The following JMJD1C variants were observed in gnomAD, a reference collection of about 807,000 sequenced individuals.
The protein encoded by JMJD1C is jumonji domain containing 1C, also known as jumonji domain-containing protein 1C.
Under a neutral mutation model 245.3 loss-of-function variants are expected in JMJD1C, and 31 were observed. The observed-to-expected ratio is 0.13, with a 90% CI of 0.09 to 0.17. The LOEUF (loss-of-function observed/expected upper bound fraction) is 0.17. JMJD1C is among the 10% of genes least tolerant of loss of function. The pLI, the probability that JMJD1C is intolerant of heterozygous loss-of-function variation, is 1.00. For synonymous variants in JMJD1C, 1,057 were observed against 1,017.4 expected, an observed-to-expected ratio of 1.04 and a Z score of -0.74; for missense variants, 2,691 against 3,000.2, an observed-to-expected ratio of 0.90 and a Z score of 2.41.
At chr10:63,461,542 C>T (rs1266351197) in intron 1 of JMJD1C, among the ~76,000 whole-genome samples, 1 of 152,134 alleles carries the variant, frequency 6.6e-6, no homozygotes, top group East Asian at 1.9e-4. Context: ...ATTTCCTAAA[C>T]ATGAATATTA....
intron 1 of JMJD1C, among the ~76,000 whole-genome samples, chr10:63,455,942 T>C (rs1168821596): frequency 6.6e-6 from 1 of 152,170 alleles, no homozygotes; most frequent in Non-Finnish European, 1.5e-5. Flanking sequence ...GCAAATTTAA[T>C]GCAATATTAT....
At chr10:63,222,759 C>T in intron 3 of JMJD1C, 1 of 1,503,904 alleles carries the variant, frequency 6.6e-7, no homozygotes, top group Non-Finnish European at 9.2e-7. Flanking sequence ...TCACTGAAAA[C>T]TGAAACTAAT....
intron 1 of JMJD1C, among the ~76,000 whole-genome samples, chr10:63,405,532 A>C (rs1949117366): frequency 6.6e-6 from 1 of 152,078 alleles, no homozygotes. Context: ...CACGTTGGCC[A>C]GGCTGGTCTC....
intron 1 of JMJD1C, among the ~76,000 whole-genome samples, chr10:63,503,695 T>G (rs564475831): frequency 6.6e-6 from 1 of 152,356 alleles, no homozygotes; most frequent in Admixed American, 6.5e-5. Flanking sequence ...TGACTCAACA[T>G]TATTCTTTGC....
At chr10:63,438,448 A>G (rs984384719) in intron 1 of JMJD1C, among the ~76,000 whole-genome samples, 2 of 152,182 alleles carry the variant, frequency 1.3e-5, no homozygotes, top group African/African-American at 4.8e-5. Flanking sequence ...CTCTCCCTGC[A>G]TCTGCCTCAC....
chr10:63,374,536 A>T (rs960344333), intron 2 of JMJD1C, among the ~76,000 whole-genome samples: 4 of 152,224 alleles, frequency 2.6e-5, no homozygotes, highest in African/African-American at 7.2e-5. Context: ...GAAGAGTGTC[A>T]GGAGATAGAT....
At chr10:63,394,135 C>A (rs1231648797) in intron 1 of JMJD1C, among the ~76,000 whole-genome samples, 1 of 146,384 alleles carries the variant, frequency 6.8e-6, no homozygotes, top group African/African-American at 2.5e-5. Flanking sequence ...TATAGTGAGC[C>A]GAGACTGCAC....
At chr10:63,270,636 C>CT (rs1268611929) in intron 2 of JMJD1C, among the ~76,000 whole-genome samples, 1 of 151,980 alleles carries the variant, frequency 6.6e-6, no homozygotes, top group Non-Finnish European at 1.5e-5. Context: ...CTAGCTAACT[C>CT]TTTGTATTTT....
At position 63,214,701 on chromosome 10, in the gene JMJD1C, T is replaced by C. The variant is rs1187613998; in HGVS notation, c.1466A>G (p.His489Arg). ...CTCCTTTGGTAGCAATTCCATGGTA[T>C]GTGTTTTATCCATATTGCATTCCTG... The part of the protein sequence containing the change: ...LPQECNMDKT[H>R]TMELLPKEKF... The change falls in exon 8 of 26, where the codon CAT becomes CGT. Residue 489 changes from histidine to arginine, a missense_variant. Physicochemically the swap from His to Arg is conservative, Grantham distance 29. Coordinates refer to ENST00000399262, the MANE Select transcript of JMJD1C (RefSeq NM_032776.3). 7 of 1,613,806 alleles carry C rather than the reference T, an allele frequency of 4.3e-6. No individual in the cohort carries two copies. Among genetic ancestry groups the C allele is most frequent in the East Asian group, 2.2e-5 (1 of 44,886 alleles).
chr10:63,309,494 CAAAAAAAAAAAA>C (rs71025153), intron 2 of JMJD1C, among the ~76,000 whole-genome samples: 105 of 49,430 alleles, frequency 2.1e-3, no homozygotes, highest in Non-Finnish European at 3.0e-3. Flanking sequence ...GACTCCATCT[CAAAAAAAAAAAA>C]AAAAAAAAAA....
At chr10:63,357,414 T>G (rs1468303805) in intron 2 of JMJD1C, among the ~76,000 whole-genome samples, 1 of 152,186 alleles carries the variant, frequency 6.6e-6, no homozygotes, top group Non-Finnish European at 1.5e-5. Context: ...CAAGCGATTC[T>G]CCTGACTCAG....
intron 1 of JMJD1C, among the ~76,000 whole-genome samples, chr10:63,387,629 A>AAATTTTTTTTTTTTTTTTTTT (rs1554915199): frequency 2.6e-5 from 1 of 37,840 alleles, no homozygotes; most frequent in Admixed American, 4.7e-4. Context: ...GAAAAAAAAA[A>AAATTTTTTTTTTTTTTTTTTT]TTTTTTTTTT....
chr10:63,445,862 ATTT>A (rs56316223), intron 1 of JMJD1C, among the ~76,000 whole-genome samples: 1,782 of 75,654 alleles, frequency 0.024, 39 homozygotes, highest in Middle Eastern at 0.041. Context: ...TGGGATCTGA[ATTT>A]TTTTTTTTTT....
intron 1 of JMJD1C, among the ~76,000 whole-genome samples, chr10:63,433,435 A>G (rs1950887024): frequency 6.6e-6 from 1 of 152,146 alleles, no homozygotes; most frequent in Non-Finnish European, 1.5e-5. Flanking sequence ...GAGAATTTAA[A>G]AAATAGCAGC....
At chr10:63,181,177 TAG>T (rs1843433710) in intron 22 of JMJD1C, among the ~76,000 whole-genome samples, 1 of 152,178 alleles carries the variant, frequency 6.6e-6, no homozygotes, top group Non-Finnish European at 1.5e-5. Flanking sequence ...ATCTTTCTTA[TAG>T]AGAGTTTGAA....
Position 63,213,745 on chromosome 10 carries a change from A to C in JMJD1C, c.2422T>G (p.Leu808Val). ...TCTAGTCGTGGGTGGCCACCAAGTA[A>C]GGAGGCAGTAGGCACTCCAGGTAAC... ...TVLPGVPTAS[L>V]LGGHPRLESA... The change falls in exon 8 of 26, where the codon TTA becomes GTA. Residue 808 changes from leucine (L) to valine (V), a missense_variant. Transcript: ENST00000399262. 1 of 1,614,178 alleles carries C rather than the reference A, an allele frequency of 6.2e-7. No homozygotes were observed. Among genetic ancestry groups the C allele is most frequent in the Non-Finnish European group, 8.5e-7 (1 of 1,180,004 alleles).
At chr10:63,206,553 T>C in intron 10 of JMJD1C, 42 bp downstream of exon 10, 2 of 1,468,050 alleles carry the variant, frequency 1.4e-6, no homozygotes, top group Non-Finnish European at 1.8e-6. Flanking sequence ...GCTAAAACAT[T>C]CAGCCCATTT....
chr10:63,399,228 T>C (rs1290033310), intron 1 of JMJD1C, among the ~76,000 whole-genome samples: 1 of 152,178 alleles, frequency 6.6e-6, no homozygotes, highest in Non-Finnish European at 1.5e-5. Context: ...AGCTCCTAAG[T>C]CTTTTAGATA....
At chr10:63,339,025 A>G (rs1360866330) in intron 2 of JMJD1C, among the ~76,000 whole-genome samples, 1 of 152,186 alleles carries the variant, frequency 6.6e-6, no homozygotes, top group Non-Finnish European at 1.5e-5. Flanking sequence ...GAATGAGCAA[A>G]TATGTTTTCT....
Sources: gnomAD v4.1 joint callset for allele counts (sites outside exome capture counted in the v4.1 genomes callset) on GRCh38, gnomAD v4.1.1 for gene constraint, MANE v1.5 for transcripts, NCBI Gene and HGNC (gene_info 2026-07-23, HGNC 2026-07-21) for gene names.